Variants in BACH2 observed in about 807,000 individuals in gnomAD.
BACH2 encodes BACH transcriptional regulator 2.
In BACH2, 5 loss-of-function variants were observed where a neutral mutation model predicts 61.8. The observed-to-expected ratio is 0.08, with a 90% CI of 0.04 to 0.17. BACH2 has a LOEUF of 0.17. Among genes scored for constraint, BACH2 ranks in the 10% least tolerant of loss-of-function variants. The probability of loss-of-function intolerance (pLI) is 1.00; values close to 1 mark genes in which losing one functional copy is unlikely to be tolerated. For missense variants in BACH2, 824 were observed against 1,091.1 expected (o/e 0.76, Z 3.45); for synonymous variants, 446 against 440.1 (o/e 1.01, Z -0.17).
chr6:89,936,410 G>A (rs1474678064), intron 8 of BACH2, among the ~76,000 whole-genome samples: 3 of 152,166 alleles, frequency 2.0e-5, no homozygotes, highest in African/African-American at 7.2e-5. Flanking sequence ...CCAAAGTACT[G>A]CGATTACAGG....
intron 3 of BACH2, among the ~76,000 whole-genome samples, chr6:90,228,233 T>C (rs1266542784): frequency 6.6e-6 from 1 of 152,250 alleles, no homozygotes; most frequent in Non-Finnish European, 1.5e-5. Context: ...CTTCTTTACA[T>C]AATCTCCAAC....
At chr6:90,192,309 T>C (rs140076455) in intron 4 of BACH2, among the ~76,000 whole-genome samples, 4,801 of 152,210 alleles carry the variant, frequency 0.032, 117 homozygotes, top group Middle Eastern at 0.1. Flanking sequence ...CGATTCCTTT[T>C]TTTTTTTTTA....
At chr6:90,000,583 T>C (rs762391794) in intron 6 of BACH2, among the ~76,000 whole-genome samples, 2 of 152,218 alleles carry the variant, frequency 1.3e-5, no homozygotes, top group Non-Finnish European at 2.9e-5. Context: ...TCACATTTCA[T>C]TTATCTGAAC....
chr6:90,292,776 C>T (rs529447389), intron 1 of BACH2, among the ~76,000 whole-genome samples: 3 of 152,354 alleles, frequency 2.0e-5, no homozygotes, highest in East Asian at 3.9e-4. Flanking sequence ...CAGGCCGACA[C>T]TAGCTCTTAC....
At chr6:89,941,635 A>G (rs370181620) in intron 7 of BACH2, among the ~76,000 whole-genome samples, 4 of 152,276 alleles carry the variant, frequency 2.6e-5, no homozygotes, top group Admixed American at 1.3e-4. Context: ...TAACAAACAC[A>G]CTCAGATCCT....
chr6:90,078,531 A>G (rs1781575425), intron 5 of BACH2, among the ~76,000 whole-genome samples: 1 of 152,182 alleles, frequency 6.6e-6, no homozygotes, highest in Non-Finnish European at 1.5e-5. Context: ...TCTTTTGTCC[A>G]TTTAATTCCA....
intron 3 of BACH2, among the ~76,000 whole-genome samples, chr6:90,225,191 C>T (rs1014736231): frequency 1.1e-4 from 16 of 152,082 alleles, no homozygotes; most frequent in African/African-American, 3.9e-4. Context: ...TCAAGACCAG[C>T]TTGGGCAACA....
At chr6:90,275,648 T>C (rs929232132) in intron 1 of BACH2, among the ~76,000 whole-genome samples, 3 of 151,530 alleles carry the variant, frequency 2.0e-5, no homozygotes, top group Non-Finnish European at 2.9e-5. Flanking sequence ...CTCTTCCCCC[T>C]CCTCCCACTC....
rs534831996 is a variant in BACH2 at position 89,933,046 on chromosome 6, C to T, written c.2044-156G>A. ...CTCTAGAAACTTAAAGATACATATT[C>T]AGGGGGCCCAGACACAGGCTTCTGC... On this transcript the variant is annotated intron_variant, in intron 8 of 8. Transcript: ENST00000257749. Among the ~76,000 whole-genome samples, 144 of 152,220 alleles carry T rather than the reference C, an allele frequency of 9.5e-4. 1 individual carries two copies. Among genetic ancestry groups the T allele is most frequent in the African/African-American group, 3.4e-3 (142 of 41,532 alleles).
chr6:90,004,832 A>G (rs111643921), intron 6 of BACH2, among the ~76,000 whole-genome samples: 115 of 152,332 alleles, frequency 7.5e-4, no homozygotes, highest in African/African-American at 2.6e-3. Context: ...ACTCATTATA[A>G]AATTGAATGA....
At chr6:90,116,468 A>G (rs1783403140) in intron 4 of BACH2, among the ~76,000 whole-genome samples, 1 of 152,154 alleles carries the variant, frequency 6.6e-6, no homozygotes, top group African/African-American at 2.4e-5. Flanking sequence ...CAAAGAAGGA[A>G]ACAATGAACA....
rs1037631982 is a variant in BACH2 at position 90,235,937 on chromosome 6, A to G, written c.-275+16576T>C. Among the ~76,000 whole-genome samples, 16 of 152,376 alleles carry G rather than the reference A, an allele frequency of 1.1e-4. No individual in the cohort carries two copies. The South Asian group carries it at 2.9e-3, about 28-fold the overall frequency. ...GAATTAATCTCTCATAAATTTAACT[A>G]TAAGTCAATTCTTGCAAGTCACATC... On this transcript the variant is annotated intron_variant, in intron 3 of 8. Transcript: ENST00000257749.
intron 4 of BACH2, among the ~76,000 whole-genome samples, chr6:90,095,443 G>A (rs1242096657): frequency 6.6e-6 from 1 of 152,112 alleles, no homozygotes; most frequent in African/African-American, 2.4e-5. Flanking sequence ...CATTAATTGA[G>A]ATTAAACAGC....
Position 90,290,598 on chromosome 6 carries a change from G to C in BACH2, c.-446+5882C>G, listed in dbSNP as rs150349526. Among the ~76,000 whole-genome samples, 219 of 152,346 alleles carry C rather than the reference G, an allele frequency of 1.4e-3. 3 individuals carry two copies. The highest frequency in any genetic ancestry group is 0.013 in the Admixed American group (199 of 15,300). The stretch of plus-strand genomic sequence containing the variant: ...AAAGAAAAATTGCCAAAAATCTATG[G>C]ATACTGAAATACTAAGGAAAGATGC... On this transcript the variant is annotated intron_variant, in intron 1 of 8. Coordinates refer to ENST00000257749, the MANE Select transcript of BACH2 (RefSeq NM_021813.4).
At chr6:89,946,320 G>C (rs572051785) in intron 7 of BACH2, among the ~76,000 whole-genome samples, 1 of 152,170 alleles carries the variant, frequency 6.6e-6, no homozygotes, top group Non-Finnish European at 1.5e-5. Context: ...AAAAAGACTG[G>C]TGACAACTAG....
chr6:90,114,824 G>C (rs951934423), intron 4 of BACH2, among the ~76,000 whole-genome samples: 8 of 152,068 alleles, frequency 5.3e-5, no homozygotes, highest in African/African-American at 1.7e-4. Context: ...GAAGTTGCAG[G>C]ATACAAAATC....
At chr6:90,208,898 T>C (rs1044728717) in intron 3 of BACH2, among the ~76,000 whole-genome samples, 4 of 152,158 alleles carry the variant, frequency 2.6e-5, no homozygotes, top group African/African-American at 9.7e-5. Flanking sequence ...TTCATGTCCT[T>C]TGCAGGGATA....
At chr6:90,131,131 G>C (rs1040522579) in intron 4 of BACH2, among the ~76,000 whole-genome samples, 1 of 152,200 alleles carries the variant, frequency 6.6e-6, no homozygotes, top group African/African-American at 2.4e-5. Flanking sequence ...AAAGGGAGTA[G>C]AAGCATGTAC....
rs1774024205 is a variant in BACH2, at chr6:89,950,610, C to G, written c.1496G>C (p.Ser499Thr). ...HLPGRMRPNT[S>T]CPVPIKVCPR... ...GCAGACTTTGATTGGTACCGGGCAG[C>G]TGGTGTTGGGCCGCATCCTTCCTGG... Residue 499 changes from serine (S) to threonine (T), a missense_variant, in exon 7 of 9, where the codon AGC (serine) becomes ACC (threonine). Coordinates refer to ENST00000257749, the MANE Select transcript of BACH2 (RefSeq NM_021813.4). The surrounding 1 kb of genome is among the most constrained non-coding windows in gnomAD (Gnocchi z 5.3). The G allele has an allele frequency of 1.2e-6, 2 of 1,613,774 alleles. No homozygotes were observed. Among genetic ancestry groups the G allele is most frequent in the East Asian group, 4.5e-5 (2 of 44,870 alleles).
Sources: allele counts gnomAD v4.1 joint callset (sites outside exome capture counted in the v4.1 genomes callset), GRCh38; gene constraint gnomAD v4.1.1; non-coding constraint Gnocchi (gnomAD v3.1); transcripts MANE v1.5; gene names NCBI Gene and HGNC (gene_info 2026-07-23, HGNC 2026-07-21).